The following ZBTB8B variants were observed in gnomAD, a reference collection of about 807,000 sequenced individuals.
The protein encoded by ZBTB8B is zinc finger and BTB domain-containing protein 8B.
ZBTB8B carries 17 observed loss-of-function variants against 30.3 expected under a neutral mutation model. The ratio of observed to expected loss-of-function variants is 0.56; its 90% CI spans 0.38 to 0.84. The LOEUF (loss-of-function observed/expected upper bound fraction) is 0.84, where lower values mean the gene tolerates loss of function less well. Among genes scored for constraint, ZBTB8B ranks in the 40% least tolerant of loss-of-function variants. ZBTB8B has a pLI of 0.00. For missense variants in ZBTB8B, 515 were observed against 644.9 expected, an observed-to-expected ratio of 0.80 and a Z score of 2.18; for synonymous variants, 248 against 255.6, an observed-to-expected ratio of 0.97 and a Z score of 0.28.
Position 32,483,173 on chromosome 1 carries a change from C to T in ZBTB8B, c.1171-1928C>T, listed in dbSNP as rs532717045. Among the ~76,000 whole-genome samples, 280 of 137,936 alleles carry T rather than the reference C, an allele frequency of 2.0e-3. 3 individuals carry two copies. Among genetic ancestry groups the T allele is most frequent in the African/African-American group, 7.2e-3 (268 of 37,290 alleles). 90.5% of individuals were successfully genotyped at this position (137,936 alleles called of 152,430 possible). A position where few individuals can be genotyped will look rare whatever the true frequency, so the allele number is the denominator to read the frequency against. Reference sequence around the variant, plus strand: ...TGGGAGGCTGGGGTGGATGGATCATCGGATCATCCGAGGTCAGGAGTTTGA... The same window carrying T: ...TGGGAGGCTGGGGTGGATGGATCATTGGATCATCCGAGGTCAGGAGTTTGA... On this transcript the variant is annotated intron_variant, in intron 3 of 3. Transcript: ENST00000609129.
chr1:32,465,701 T>A lies in ZBTB8B; in HGVS notation c.-42+596T>A, dbSNP rs910129225. Among the ~76,000 whole-genome samples the A allele has an allele frequency of 2.3e-4, 35 of 152,226 alleles. No individual in the cohort carries two copies. Among genetic ancestry groups the A allele is most frequent in the African/African-American group, 8.4e-4 (35 of 41,452 alleles). On this transcript the variant is annotated intron_variant, in intron 1 of 3. Coordinates refer to ENST00000609129, the MANE Select transcript of ZBTB8B (RefSeq NM_001145720.2). This position sits in a 1 kb window ranked among gnomAD's most constrained non-coding sequence, Gnocchi z 4.1. ...GACTTCCCCAACCTGTCGCATCGTGTCCTGGAGGGTTTGAGGAGGCCGGTT... is the reference window on the plus strand; with the variant it reads ...GACTTCCCCAACCTGTCGCATCGTGACCTGGAGGGTTTGAGGAGGCCGGTT...
In ZBTB8B at chr1:32,490,802, G is replaced by A. The variant is rs981241192; in HGVS notation, c.*5384G>A. 6.6e-6 allele frequency: 1 copy of A among 152,230 alleles called. No individual in the cohort carries two copies. Among genetic ancestry groups the A allele is most frequent in the African/African-American group, 2.4e-5 (1 of 41,430 alleles). 9.4% of individuals were successfully genotyped at this position (152,230 alleles called of 1,614,324 possible). A position where few individuals can be genotyped will look rare whatever the true frequency, so the allele number is the denominator to read the frequency against. On this transcript the variant is annotated 3_prime_UTR_variant, in exon 4 of 4. Coordinates refer to ENST00000609129, the MANE Select transcript of ZBTB8B (RefSeq NM_001145720.2). Reference sequence around the variant, plus strand: ...GACGGGGTTTCACCGTGTTAGCCAGGATAGTCTCAATATCCTGACCTTGTG... The same window carrying A: ...GACGGGGTTTCACCGTGTTAGCCAGAATAGTCTCAATATCCTGACCTTGTG...
rs1643751988 is a variant in ZBTB8B, at chr1:32,487,180, G to A, written c.*1762G>A. 1 of 152,100 alleles carries A rather than the reference G, an allele frequency of 6.6e-6. No individual in the cohort carries two copies. Among genetic ancestry groups the A allele is most frequent in the Non-Finnish European group, 1.5e-5 (1 of 68,034 alleles). The allele number at this position is 152,100 out of a possible 1,614,324, so 9.4% of individuals were successfully genotyped here. On this transcript the variant is annotated 3_prime_UTR_variant, in exon 4 of 4. Transcript: ENST00000609129. ...AAAAAAGTCAAAAACATTATAAATT[G>A]GCTTGTAAATGTTAGCCAAAGCATT...
chr1:32,469,470 G>A (rs1381027044), intron 1 of ZBTB8B, among the ~76,000 whole-genome samples: 1 of 152,014 alleles, frequency 6.6e-6, no homozygotes, highest in African/African-American at 2.4e-5. Context: ...GGCCAGGCCG[G>A]TCTCAAACTC....
At position 32,483,254 on chromosome 1, in the gene ZBTB8B, A is replaced by C. The variant is rs1363354909; in HGVS notation, c.1171-1847A>C. Among the ~76,000 whole-genome samples, 17 of 141,552 alleles carry C rather than the reference A, an allele frequency of 1.2e-4. 1 individual carries two copies. The highest frequency in any genetic ancestry group is 3.7e-3 in the Middle Eastern group (1 of 272). The allele number at this position is 141,552 out of a possible 152,430, so 92.9% of individuals were successfully genotyped here. ...TATCTACTAAAAATCCAAAAAAAAA[A>C]AAAAAAAAAAAAAAAAAAAAATTAG... On this transcript the variant is annotated intron_variant, in intron 3 of 3. Coordinates refer to ENST00000609129, the MANE Select transcript of ZBTB8B (RefSeq NM_001145720.2).
At chr1:32,474,844 G>T (rs879324036) in intron 2 of ZBTB8B, among the ~76,000 whole-genome samples, 13 of 152,256 alleles carry the variant, frequency 8.5e-5, no homozygotes, top group Non-Finnish European at 1.6e-4. Context: ...GAAAACTGGA[G>T]TGGCTTCTTT....
Position 32,488,327 on chromosome 1 carries a change from A to T in ZBTB8B, c.*2909A>T, listed in dbSNP as rs1643759518. ...GGATGTGTAGAAGATTTACTTGGCC[A>T]GGAACAGTGTTTGATATTTTTGCTT... On this transcript the variant is annotated 3_prime_UTR_variant, in exon 4 of 4. Transcript: ENST00000609129. 1 of 152,256 alleles carries T rather than the reference A, an allele frequency of 6.6e-6. No individual in the cohort carries two copies. The highest frequency in any genetic ancestry group is 6.5e-5 in the Admixed American group (1 of 15,286). 9.4% of individuals were successfully genotyped at this position (152,256 alleles called of 1,614,324 possible).
rs1272569580 is a variant in ZBTB8B, at chr1:32,490,003, T to C, written c.*4585T>C. On this transcript the variant is annotated 3_prime_UTR_variant, in exon 4 of 4. Coordinates refer to ENST00000609129, the MANE Select transcript of ZBTB8B (RefSeq NM_001145720.2). ...TTTGGAATACTGAGATGGGTTTTTT[T>C]TGTTATTGTTCATTGATGTCGTGAC... 1 of 152,204 alleles carries C rather than the reference T, an allele frequency of 6.6e-6. No individual in the cohort carries two copies. The highest frequency in any genetic ancestry group is 1.5e-5 in the Non-Finnish European group (1 of 68,040). The allele number at this position is 152,204 out of a possible 1,614,324, so 9.4% of individuals were successfully genotyped here.
At chr1:32,471,673 C>T in intron 2 of ZBTB8B, 58 bp downstream of exon 2, 2 of 1,488,674 alleles carry the variant, frequency 1.3e-6, no homozygotes, top group Non-Finnish European at 1.8e-6. Flanking sequence ...CTGTCTGTGC[C>T]TTGTGTTCTC....
At position 32,484,975 on chromosome 1, in the gene ZBTB8B, G is replaced by T. The variant is rs993590973; in HGVS notation, c.1171-126G>T. On this transcript the variant is annotated intron_variant, in intron 3 of 3. Transcript: ENST00000609129. The surrounding 1 kb of genome is among the most constrained non-coding windows in gnomAD (Gnocchi z 4.5). The stretch of plus-strand genomic sequence containing the variant: ...ACAGACTAATACAAAGACTGTGGCA[G>T]AGAATGCAGGTGGAGTGCTGAAAAA... 5 of 801,628 alleles carry T rather than the reference G, an allele frequency of 6.2e-6. No individual in the cohort carries two copies. Among genetic ancestry groups the T allele is most frequent in the Non-Finnish European group, 1.0e-5 (5 of 499,480 alleles). 49.7% of individuals were successfully genotyped at this position (801,628 alleles called of 1,614,324 possible). A position where few individuals can be genotyped will look rare whatever the true frequency, so the allele number is the denominator to read the frequency against.
At chr1:32,479,753 T>C (rs1290147257) in intron 2 of ZBTB8B, among the ~76,000 whole-genome samples, 2 of 152,172 alleles carry the variant, frequency 1.3e-5, no homozygotes, top group Non-Finnish European at 2.9e-5. Flanking sequence ...GGGATGACTA[T>C]AGCAGTAAGT....
chr1:32,474,343 C>CA lies in ZBTB8B; in HGVS notation c.991+2767dup, dbSNP rs57001984. Among the ~76,000 whole-genome samples the CA allele has an allele frequency of 8.5e-3, 332 of 39,172 alleles. 48 individuals carry two copies. The highest frequency in any genetic ancestry group is 0.011 in the African/African-American group (117 of 10,212). 25.7% of individuals were successfully genotyped at this position (39,172 alleles called of 152,430 possible). A position where few individuals can be genotyped will look rare whatever the true frequency, so the allele number is the denominator to read the frequency against. On this transcript the variant is annotated intron_variant, in intron 2 of 3. Coordinates refer to ENST00000609129, the MANE Select transcript of ZBTB8B (RefSeq NM_001145720.2). ...GCAAGATGGCAAAACCCCATCTCTACAAAAAAAAAAAAAAAAAAAAAAAAA... is the reference window on the plus strand; with the variant it reads ...GCAAGATGGCAAAACCCCATCTCTACAAAAAAAAAAAAAAAAAAAAAAAAAA...
chr1:32,496,657 G>A lies in ZBTB8B; in HGVS notation c.*11239G>A, dbSNP rs1305867504. 2 of 152,038 alleles carry A rather than the reference G, an allele frequency of 1.3e-5. No individual in the cohort carries two copies. Among genetic ancestry groups the A allele is most frequent in the African/African-American group, 2.4e-5 (1 of 41,394 alleles). The allele number at this position is 152,038 out of a possible 1,614,324, so 9.4% of individuals were successfully genotyped here. On this transcript the variant is annotated 3_prime_UTR_variant, in exon 4 of 4. Coordinates refer to ENST00000609129, the MANE Select transcript of ZBTB8B (RefSeq NM_001145720.2). ...TTTATATATAAAGAACTAAAATTAC[G>A]AGAGAATAAATTCGTGGATATAATC... is the stretch of plus-strand genomic sequence containing the variant.
In ZBTB8B at chr1:32,470,719, G is replaced by C; in HGVS notation, c.95G>C (p.Gly32Ala). The C allele has an allele frequency of 6.4e-7, 1 of 1,551,752 alleles. No individual in the cohort carries two copies. The highest frequency in any genetic ancestry group is 8.7e-7 in the Non-Finnish European group (1 of 1,147,000). ...TGTGACTGCAGCATCATTGTGGAAG[G>C]GCGGATCTTCAAGGCCCACAGGAAC... ...FFCDCSIIVE[G>A]RIFKAHRNIL... Residue 32 changes from glycine (G) to alanine (A), a missense_variant, in exon 2 of 4, where the codon GGG (glycine) becomes GCG (alanine). By Grantham distance (60) the Gly-to-Ala change is moderately conservative. Around this residue, in one of 3 missense-constraint regions of ZBTB8B, gnomAD observed 61 missense variants for 117.7 expected, o/e 0.52. Coordinates refer to ENST00000609129, the MANE Select transcript of ZBTB8B (RefSeq NM_001145720.2).
intron 1 of ZBTB8B, among the ~76,000 whole-genome samples, chr1:32,468,251 T>A (rs927083868): frequency 6.6e-6 from 1 of 152,196 alleles, no homozygotes; most frequent in Non-Finnish European, 1.5e-5. Context: ...TCCATCAGCC[T>A]GAGCTGGGCT....
intron 2 of ZBTB8B, among the ~76,000 whole-genome samples, chr1:32,478,515 A>G (rs1406354778): frequency 1.3e-5 from 2 of 151,144 alleles, no homozygotes; most frequent in African/African-American, 4.9e-5. Flanking sequence ...CCATCTCAGG[A>G]AAAAAAAATA....
At chr1:32,475,503 T>C (rs983426822) in intron 2 of ZBTB8B, among the ~76,000 whole-genome samples, 2 of 152,132 alleles carry the variant, frequency 1.3e-5, no homozygotes, top group African/African-American at 4.8e-5. Context: ...GGAGAATTGC[T>C]TGAACCCGGA....
chr1:32,496,626 T>A lies in ZBTB8B; in HGVS notation c.*11208T>A, dbSNP rs568960946. 6.6e-6 allele frequency: 1 copy of A among 152,368 alleles called. No individual in the cohort carries two copies. Among genetic ancestry groups the A allele is most frequent in the Admixed American group, 6.5e-5 (1 of 15,310 alleles). The allele number at this position is 152,368 out of a possible 1,614,324, so 9.4% of individuals were successfully genotyped here. On this transcript the variant is annotated 3_prime_UTR_variant, in exon 4 of 4. Transcript: ENST00000609129. ...CCAGGTTGTATTGTTTTGCTGTTTT[T>A]ACTTTTTTATATATAAAGAACTAAA...
chr1:32,472,762 G>A (rs967282043), intron 2 of ZBTB8B, among the ~76,000 whole-genome samples: 3 of 152,120 alleles, frequency 2.0e-5, no homozygotes, highest in Non-Finnish European at 4.4e-5. Context: ...TACCGTAGGC[G>A]CATACCGCCA....
Sources: allele counts gnomAD v4.1 joint callset (sites outside exome capture counted in the v4.1 genomes callset), GRCh38; gene constraint gnomAD v4.1.1; regional missense constraint gnomAD v4.1.1; non-coding constraint Gnocchi (gnomAD v3.1); transcripts MANE v1.5; gene names NCBI Gene and HGNC (gene_info 2026-07-23, HGNC 2026-07-21).